ELP2: variants seen among roughly 807,000 people sequenced by gnomAD.
The protein encoded by ELP2 is elongator complex protein 2.
ELP2 carries 90 observed loss-of-function variants against 119.2 expected under a neutral mutation model. The ratio of observed to expected loss-of-function variants is 0.75; its 90% CI spans 0.64 to 0.90. The LOEUF (loss-of-function observed/expected upper bound fraction) is 0.90, where lower values mean the gene tolerates loss of function less well. ELP2 is among the 40% of genes least tolerant of loss of function. ELP2 has a pLI of 0.00. For missense variants in ELP2, 921 were observed against 967.8 expected (o/e 0.95, Z 0.64); for synonymous variants, 339 against 331.0 (o/e 1.02, Z -0.26).
chr18:36,144,840 A>ATTTTT, intron 8 of ELP2, 99 bp from the exon 9 acceptor site: 1 of 967,668 alleles, frequency 1.0e-6, no homozygotes, highest in Admixed American at 1.9e-5. Context: ...TTTTGTCCTA[A>ATTTTT]TTTTTTTTTC....
chr18:36,173,428 T>C (rs533658602), intron 21 of ELP2, among the ~76,000 whole-genome samples: 13 of 152,376 alleles, frequency 8.5e-5, no homozygotes, highest in South Asian at 4.1e-4. Context: ...ATATTTATTA[T>C]AAAGCTTACT....
intron 3 of ELP2, among the ~76,000 whole-genome samples, chr18:36,137,793 A>C (rs1391901746): frequency 1.7e-5 from 2 of 118,102 alleles, no homozygotes; most frequent in African/African-American, 6.0e-5. Context: ...AAGTATACTC[A>C]TATTATCACC....
At chr18:36,154,541 C>T (rs1019003332) in intron 11 of ELP2, among the ~76,000 whole-genome samples, 2 of 152,160 alleles carry the variant, frequency 1.3e-5, no homozygotes, top group Non-Finnish European at 2.9e-5. Flanking sequence ...AAGGTAGGTG[C>T]TGTTATAACT....
At chr18:36,145,142 T>C in intron 9 of ELP2, 108 bp downstream of exon 9, 2 of 840,820 alleles carry the variant, frequency 2.4e-6, no homozygotes, top group Non-Finnish European at 4.1e-6. Context: ...AAATCTCAAA[T>C]ACATGACATT....
At chr18:36,149,613 G>T (rs536251862) in intron 11 of ELP2, among the ~76,000 whole-genome samples, 1 of 150,304 alleles carries the variant, frequency 6.7e-6, no homozygotes, top group African/African-American at 2.4e-5. Context: ...TTTTTGAGGC[G>T]ATTTGGGGAA....
In ELP2 at chr18:36,178,303, A is replaced by T. The variant is rs2091268067; in HGVS notation, c.*3662A>T. 6.6e-6 allele frequency: 1 copy of T among 152,180 alleles called. No individual in the cohort carries two copies. Among genetic ancestry groups the T allele is most frequent in the South Asian group, 2.1e-4 (1 of 4,820 alleles). The allele number at this position is 152,180 out of a possible 1,614,324, so 9.4% of individuals were successfully genotyped here. ...CATCAGTACAAAGTGGGCCCTACAAAATTATAGGGTCAGAAAACAGGTAAG... is the reference window on the plus strand; with the variant it reads ...CATCAGTACAAAGTGGGCCCTACAATATTATAGGGTCAGAAAACAGGTAAG... On this transcript the variant is annotated 3_prime_UTR_variant, in exon 22 of 22. Coordinates refer to ENST00000358232, the MANE Select transcript of ELP2 (RefSeq NM_018255.4).
At chr18:36,156,787 C>A (rs2090588943) in intron 13 of ELP2, 133 bp downstream of exon 13, 1 of 903,074 alleles carries the variant, frequency 1.1e-6, no homozygotes. Context: ...TAAGATGTGA[C>A]AAAGTTTTTG....
Position 36,176,609 on chromosome 18 carries a change from C to T in ELP2, c.*1968C>T, listed in dbSNP as rs891312652. On this transcript the variant is annotated 3_prime_UTR_variant, in exon 22 of 22. Coordinates refer to ENST00000358232, the MANE Select transcript of ELP2 (RefSeq NM_018255.4). ...TGGAATCACCTTACTGTTTAGTAAA[C>T]ATTCAGAGGACTTGCTACACATCTG... is the stretch of plus-strand genomic sequence containing the variant. 1.3e-5 allele frequency: 2 copies of T among 152,240 alleles called. No homozygotes were observed. Among genetic ancestry groups the T allele is most frequent in the African/African-American group, 4.8e-5 (2 of 41,456 alleles). The allele number at this position is 152,240 out of a possible 1,614,324, so 9.4% of individuals were successfully genotyped here.
At chr18:36,131,188 C>T (rs904620545) in intron 1 of ELP2, among the ~76,000 whole-genome samples, 1 of 152,176 alleles carries the variant, frequency 6.6e-6, no homozygotes, top group African/African-American at 2.4e-5. Flanking sequence ...AAACATTATT[C>T]TCACACCCTT....
chr18:36,157,708 G>A (rs1356209582), intron 13 of ELP2, among the ~76,000 whole-genome samples: 1 of 152,210 alleles, frequency 6.6e-6, no homozygotes, highest in African/African-American at 2.4e-5. Context: ...TTCCTGGAAT[G>A]TATACTCAGC....
rs1485439335 is a variant in ELP2, at chr18:36,145,039, G to C, written c.892+5G>C. On this transcript the variant is annotated splice_donor_5th_base_variant and intron_variant, in intron 9 of 21. Coordinates refer to ENST00000358232, the MANE Select transcript of ELP2 (RefSeq NM_018255.4). Reference sequence around the variant, plus strand: ...GGCAACCTGTGTTTTACAAAGGTAGGAAGAAAACCATACACATATCCCTTA... The same window carrying C: ...GGCAACCTGTGTTTTACAAAGGTAGCAAGAAAACCATACACATATCCCTTA... 3 of 1,609,012 alleles carry C rather than the reference G, an allele frequency of 1.9e-6. No homozygotes were observed. Among genetic ancestry groups the C allele is most frequent in the Non-Finnish European group, 2.6e-6 (3 of 1,175,518 alleles).
chr18:36,140,960 T>C (rs1241020094), intron 5 of ELP2, among the ~76,000 whole-genome samples, 177 bp from the exon 6 acceptor site: 2 of 152,244 alleles, frequency 1.3e-5, no homozygotes, highest in African/African-American at 4.8e-5. Flanking sequence ...ATAGAACGTT[T>C]TAGAGTGTTC....
In ELP2 at chr18:36,167,159, TA is replaced by T. The variant is rs770621986; in HGVS notation, c.2014del (p.Ile672PhefsTer52). 4.4e-6 allele frequency: 7 copies of T among 1,600,496 alleles called. No homozygotes were observed. The East Asian group carries it at 1.6e-4, about 36-fold the overall frequency. Reference sequence around the variant, plus strand: ...AAATTACTTCTGTGCACAGTAGAATTATTTGGTCTTGTGATTGGAGTCCTGA... The same window carrying T: ...AAATTACTTCTGTGCACAGTAGAATTTTTGGTCTTGTGATTGGAGTCCTGA... ...NKITSVHSRIIWSCDWSPDSK... is the reference protein window; with the variant it reads ...NKITSVHSRIXWSCDWSPDSK... On this transcript the variant is annotated frameshift_variant, in exon 19 of 22. Coordinates refer to ENST00000358232, the MANE Select transcript of ELP2 (RefSeq NM_018255.4). LOFTEE classifies it high-confidence loss of function.
rs188805066 is a variant in ELP2 at position 36,141,768 on chromosome 18, G to A, written c.589-513G>A. Among the ~76,000 whole-genome samples, 19 of 146,416 alleles carry A rather than the reference G, an allele frequency of 1.3e-4. No individual in the cohort carries two copies. The East Asian group carries it at 3.6e-3, about 28-fold the overall frequency. On this transcript the variant is annotated intron_variant, in intron 6 of 21. Coordinates refer to ENST00000358232, the MANE Select transcript of ELP2 (RefSeq NM_018255.4). Reference sequence around the variant, plus strand: ...TGCAGTGGTGAGAACATGCGTCACTGTAGTCTTGACTTCCTGGGGTGAAGC... The same window carrying A: ...TGCAGTGGTGAGAACATGCGTCACTATAGTCTTGACTTCCTGGGGTGAAGC...
At chr18:36,141,444 G>T (rs1369561014) in intron 6 of ELP2, 2 of 509,786 alleles carry the variant, frequency 3.9e-6, no homozygotes, top group Non-Finnish European at 7.1e-6. Context: ...GGGGAGGAGA[G>T]ATGGAAGATG....
rs760070699 is a variant in ELP2, at chr18:36,136,421, A to C, written c.288+44A>C. 9 of 1,505,018 alleles carry C rather than the reference A, an allele frequency of 6.0e-6. No individual in the cohort carries two copies. The Admixed American group carries it at 6.7e-5, about 11-fold the overall frequency. The allele number at this position is 1,505,018 out of a possible 1,614,324, so 93.2% of individuals were successfully genotyped here. A position where few individuals can be genotyped will look rare whatever the true frequency, so the allele number is the denominator to read the frequency against. ...AATCAAGAAATGACTTTTTTTGTTC[A>C]TTTGTTTTTTAAGAGGTAGAGTTTC... On this transcript the variant is annotated intron_variant, in intron 3 of 21. Coordinates refer to ENST00000358232, the MANE Select transcript of ELP2 (RefSeq NM_018255.4).
chr18:36,130,590 TG>T lies in ELP2; in HGVS notation c.138+523del, dbSNP rs577961775. ...AGTTTGGGGGAAAGGTCATAGGGGA[TG>T]GGGATCCTAAGCACTGATTATAAGG... On this transcript the variant is annotated intron_variant, in intron 1 of 21. Transcript: ENST00000358232. 1.6e-4 allele frequency among the ~76,000 whole-genome samples: 25 copies of T among 152,258 alleles called. 1 individual carries two copies. The South Asian group carries it at 5.2e-3, about 32-fold the overall frequency.
chr18:36,161,109 T>C, intron 17 of ELP2, 105 bp downstream of exon 17: 1 of 793,910 alleles, frequency 1.3e-6, no homozygotes, highest in South Asian at 1.4e-5. Flanking sequence ...GAAAGGCCAC[T>C]AGTGCTTGGT....
At position 36,138,450 on chromosome 18, in the gene ELP2, C is replaced by T. The variant is rs370293395; in HGVS notation, c.445+24C>T. ...AGGTAGGTTTGGAGACATGATAATC[C>T]AGACAAATGAAATAATATTTAACAA... On this transcript the variant is annotated intron_variant, in intron 4 of 21. Transcript: ENST00000358232. The T allele has an allele frequency of 1.2e-5, 20 of 1,611,436 alleles. No homozygotes were observed. The African/African-American group carries it at 2.4e-4, about 19-fold the overall frequency.
Sources: gnomAD v4.1 joint callset for allele counts (sites outside exome capture counted in the v4.1 genomes callset) on GRCh38, gnomAD v4.1.1 for gene constraint, MANE v1.5 for transcripts, NCBI Gene and HGNC (gene_info 2026-07-23, HGNC 2026-07-21) for gene names.